KAT6B: variants seen among roughly 807,000 people sequenced by gnomAD.
The protein encoded by KAT6B is lysine acetyltransferase 6B.
In KAT6B, 10 loss-of-function variants were observed where a neutral mutation model predicts 187.5. The observed-to-expected ratio is 0.05, with a 90% CI of 0.03 to 0.09. KAT6B has a LOEUF of 0.09. Among genes scored for constraint, KAT6B ranks in the 10% least tolerant of loss-of-function variants. The pLI is 1.00. For synonymous variants in KAT6B, 861 were observed against 926.8 expected, an observed-to-expected ratio of 0.93 and a Z score of 1.29; for missense variants, 1,952 against 2,558.9, an observed-to-expected ratio of 0.76 and a Z score of 5.12.
At chr10:74,970,982 A>G (rs1841812527) in intron 6 of KAT6B, among the ~76,000 whole-genome samples, 1 of 152,192 alleles carries the variant, frequency 6.6e-6, no homozygotes, top group South Asian at 2.1e-4. Context: ...GGTCACAGAT[A>G]TGCTTTGTTG....
intron 3 of KAT6B, among the ~76,000 whole-genome samples, chr10:74,955,154 C>A (rs181295194): frequency 1.3e-5 from 2 of 152,228 alleles, no homozygotes; most frequent in East Asian, 3.9e-4. Context: ...AGATTACTTA[C>A]AATAACTAAT....
intron 12 of KAT6B, 51 bp downstream of exon 12, chr10:74,985,292 G>A (rs1254038247): frequency 8.3e-6 from 13 of 1,569,640 alleles, no homozygotes; most frequent in Non-Finnish European, 1.1e-5. Flanking sequence ...AATGTTTTTG[G>A]TAGAGCCCAA....
At chr10:74,996,768 CAAAAAAAA>C (rs56042160) in intron 13 of KAT6B, among the ~76,000 whole-genome samples, 2 of 77,082 alleles carry the variant, frequency 2.6e-5, no homozygotes, top group Non-Finnish European at 2.5e-5. Context: ...GACTCGGTCT[CAAAAAAAA>C]AAAAAAAAAA....
chr10:74,871,509 G>A (rs1232766868), intron 3 of KAT6B, among the ~76,000 whole-genome samples: 1 of 152,098 alleles, frequency 6.6e-6, no homozygotes, highest in African/African-American at 2.4e-5. Flanking sequence ...TGGTTTATGA[G>A]TACTTAAGAC....
At chr10:74,846,808 A>T (rs1328144167) in intron 3 of KAT6B, among the ~76,000 whole-genome samples, 3 of 152,206 alleles carry the variant, frequency 2.0e-5, no homozygotes, top group Admixed American at 2.0e-4. Flanking sequence ...CCATTTCTTG[A>T]TGGATTTGGA....
At chr10:74,854,135 C>T (rs918489802) in intron 3 of KAT6B, among the ~76,000 whole-genome samples, 2 of 152,172 alleles carry the variant, frequency 1.3e-5, no homozygotes, top group African/African-American at 2.4e-5. Flanking sequence ...TTTCTGAGTA[C>T]ATAAACATCA....
intron 13 of KAT6B, among the ~76,000 whole-genome samples, chr10:74,989,426 A>T (rs1018646974): frequency 6.6e-6 from 1 of 152,244 alleles, no homozygotes; most frequent in East Asian, 1.9e-4. Context: ...AAAAGAGGCA[A>T]TTATTTGTGA....
intron 3 of KAT6B, among the ~76,000 whole-genome samples, chr10:74,844,976 G>A (rs1841992670): frequency 6.6e-6 from 1 of 152,162 alleles, no homozygotes; most frequent in Non-Finnish European, 1.5e-5. Context: ...CAGCACCTTG[G>A]GAGGCCAGGG....
intron 3 of KAT6B, among the ~76,000 whole-genome samples, chr10:74,911,272 CTTTTTTTT>C (rs766011853): frequency 2.2e-5 from 3 of 137,670 alleles, no homozygotes; most frequent in Non-Finnish European, 4.8e-5. Flanking sequence ...CTTTCTTTTT[CTTTTTTTT>C]TTTTTTTTGA....
rs528987031 is a variant in KAT6B at position 74,918,919 on chromosome 10, T to TA, written c.622-41046dup. On this transcript the variant is annotated intron_variant, in intron 3 of 17. Transcript: ENST00000287239. ...TAATTGTCTTTTCCCTGGCTGTCTT[T>TA]AAAAATATTTTCTCTGGGCCGTGCA... Among the ~76,000 whole-genome samples the TA allele has an allele frequency of 5.0e-3, 766 of 152,126 alleles. 2 individuals carry two copies. The highest frequency in any genetic ancestry group is 0.01 in the Middle Eastern group (3 of 294).
chr10:75,024,519 C>G (rs1845668776), intron 16 of KAT6B, among the ~76,000 whole-genome samples: 1 of 152,198 alleles, frequency 6.6e-6, no homozygotes, highest in African/African-American at 2.4e-5. Context: ...ATAGTGGGTG[C>G]TCCTTCAAGA....
intron 3 of KAT6B, among the ~76,000 whole-genome samples, chr10:74,892,979 A>G (rs774365700): frequency 6.6e-6 from 1 of 152,242 alleles, no homozygotes; most frequent in Non-Finnish European, 1.5e-5. Flanking sequence ...CTGGTGGTCT[A>G]CATGGAGGAC....
intron 13 of KAT6B, among the ~76,000 whole-genome samples, chr10:75,018,878 A>AC (rs1056872438): frequency 8.6e-5 from 13 of 151,516 alleles, no homozygotes; most frequent in African/African-American, 2.2e-4. Flanking sequence ...TATGGTTCTC[A>AC]CCCCCCCAGG....
chr10:74,899,338 G>A (rs1229570443), intron 3 of KAT6B, among the ~76,000 whole-genome samples: 4 of 150,224 alleles, frequency 2.7e-5, no homozygotes, highest in South Asian at 2.1e-4. Flanking sequence ...GCAATGGCGC[G>A]ATCTCGGCTC....
At chr10:75,016,777 C>G (rs966679450) in intron 13 of KAT6B, among the ~76,000 whole-genome samples, 2 of 151,898 alleles carry the variant, frequency 1.3e-5, no homozygotes, top group Admixed American at 1.3e-4. Context: ...AGTGTTAGAG[C>G]ACCATGGGAA....
intron 17 of KAT6B, among the ~76,000 whole-genome samples, chr10:75,026,673 T>C (rs996880135): frequency 6.6e-6 from 1 of 152,096 alleles, no homozygotes; most frequent in Non-Finnish European, 1.5e-5. Context: ...AGCGATCATT[T>C]TGTGTGTGAA....
At chr10:74,951,687 G>A (rs1476118850) in intron 3 of KAT6B, among the ~76,000 whole-genome samples, 3 of 152,196 alleles carry the variant, frequency 2.0e-5, no homozygotes, top group Non-Finnish European at 4.4e-5. Flanking sequence ...GCCCAGGGAA[G>A]TATATAGCAA....
rs764959222 is a variant in KAT6B at position 75,030,117 on chromosome 10, C to A, written c.5293C>A (p.Gln1765Lys). The change falls in exon 18 of 18, where the codon CAG (glutamine) becomes AAG (lysine). Residue 1765 changes from glutamine (Q) to lysine (K), a missense_variant. By Grantham distance (53) the Gln-to-Lys change is moderately conservative. This residue lies in a region of KAT6B where 358 missense variants were observed against 436.3 expected (regional missense o/e 0.82). Transcript: ENST00000287239. The surrounding 1 kb of genome is among the most constrained non-coding windows in gnomAD (Gnocchi z 4.8). ...GGAGAGGCCTCCGAGCAGCAGCCAG[C>A]AGCTGGCTCAGTGCAGCATGGCTGC... Reference protein sequence around the residue: ...VVERPPSSSQQLAQCSMAANF... With the variant: ...VVERPPSSSQKLAQCSMAANF... 2.0e-5 allele frequency: 33 copies of A among 1,614,122 alleles called. No individual in the cohort carries two copies. Among genetic ancestry groups the A allele is most frequent in the African/African-American group, 2.7e-5 (2 of 74,956 alleles).
At chr10:75,001,606 T>C (rs755220313) in intron 13 of KAT6B, among the ~76,000 whole-genome samples, 1 of 152,222 alleles carries the variant, frequency 6.6e-6, no homozygotes, top group Non-Finnish European at 1.5e-5. Context: ...CAGCTACTAC[T>C]AGTTTTCACA....
Sources: allele counts gnomAD v4.1 joint callset (sites outside exome capture counted in the v4.1 genomes callset), GRCh38; gene constraint gnomAD v4.1.1; regional missense constraint gnomAD v4.1.1; non-coding constraint Gnocchi (gnomAD v3.1); transcripts MANE v1.5; gene names NCBI Gene and HGNC (gene_info 2026-07-23, HGNC 2026-07-21).